The following SPG11 variants were observed in gnomAD, a reference collection of about 807,000 sequenced individuals.
SPG11 encodes the protein spatacsin.
Under a neutral mutation model 274.0 loss-of-function variants are expected in SPG11, and 222 were observed. That is an observed-to-expected ratio of 0.81 (90% CI 0.73 to 0.91). SPG11 has a LOEUF of 0.91. Among genes scored for constraint, SPG11 ranks in the 40% least tolerant of loss-of-function variants. The pLI, the probability that SPG11 is intolerant of heterozygous loss-of-function variation, is 0.00. For synonymous variants in SPG11, 1,144 were observed against 1,039.7 expected (o/e 1.10, Z -1.93); for missense variants, 3,114 against 2,872.7 (o/e 1.08, Z -1.92).
chr15:44,663,574 A>G lies in SPG11; in HGVS notation c.74T>C (p.Val25Ala). The G allele has an allele frequency of 6.3e-7, 1 of 1,596,074 alleles. No individual in the cohort carries two copies. The highest frequency in any genetic ancestry group is 1.1e-5 in the South Asian group (1 of 89,266). Residue 25 changes from valine (V) to alanine (A), a missense_variant, in exon 1 of 40, where the codon GTT becomes GCT. Transcript: ENST00000261866. ...GACTGGCACCAACAGCATCGGTAGA[A>G]CCCGCCCCATGGCCGCGGTGCCCCA... ...GSWGTAAMGR[V>A]LPMLLVPVPA...
chr15:44,606,221 C>G (rs2083314869), intron 19 of SPG11, 130 bp from the exon 20 acceptor site: 2 of 713,636 alleles, frequency 2.8e-6, no homozygotes, highest in Non-Finnish European at 4.9e-6. Context: ...TTATTCTGGA[C>G]ATAAATTCTT....
intron 31 of SPG11, chr15:44,573,952 T>C: frequency 1.6e-6 from 1 of 607,024 alleles, no homozygotes; most frequent in Non-Finnish European, 2.9e-6. Flanking sequence ...AAAGAAAGGC[T>C]TGTATTCAGA....
intron 25 of SPG11, 79 bp downstream of exon 25, chr15:44,596,004 G>C: frequency 6.4e-7 from 1 of 1,573,542 alleles, no homozygotes; most frequent in Non-Finnish European, 8.7e-7. Context: ...CCCCACTTCT[G>C]ATTATCAGCC....
rs312262734 is a variant in SPG11, at chr15:44,633,498, CACTT to C, written c.1735+3_1735+6del. 1.3e-6 allele frequency: 2 copies of C among 1,580,320 alleles called. No homozygotes were observed. The highest frequency in any genetic ancestry group is 1.7e-6 in the Non-Finnish European group (2 of 1,153,836). ...AATACAAATGTAGAAATCTTTATTC[CACTT>C]ACTTCTTAAATATAAATGGGATGAC... On this transcript the variant is annotated splice_donor_5th_base_variant and intron_variant, in intron 8 of 39. Transcript: ENST00000261866.
At chr15:44,643,585 G>C (rs899679501) in intron 7 of SPG11, among the ~76,000 whole-genome samples, 1 of 151,854 alleles carries the variant, frequency 6.6e-6, no homozygotes, top group Non-Finnish European at 1.5e-5. Context: ...TAAAAGTCTT[G>C]TAAGAATAAA....
intron 7 of SPG11, among the ~76,000 whole-genome samples, chr15:44,637,067 T>G (rs1160433523): frequency 6.6e-6 from 1 of 151,414 alleles, no homozygotes; most frequent in Non-Finnish European, 1.5e-5. Context: ...ATTTACAAAT[T>G]TTCAAAATCA....
chr15:44,563,983 A>G (rs530706044), intron 39 of SPG11, among the ~76,000 whole-genome samples: 1 of 152,050 alleles, frequency 6.6e-6, no homozygotes, highest in South Asian at 2.1e-4. Context: ...GGCACCTCTG[A>G]TGTTTTAGTG....
chr15:44,571,337 C>T (rs2082418766), intron 33 of SPG11, among the ~76,000 whole-genome samples: 1 of 152,190 alleles, frequency 6.6e-6, no homozygotes, highest in South Asian at 2.1e-4. Context: ...ATCATTCTGG[C>T]TCTTACTGTG....
At chr15:44,593,468 G>T (rs758049017) in intron 26 of SPG11, among the ~76,000 whole-genome samples, 4 of 152,224 alleles carry the variant, frequency 2.6e-5, no homozygotes, top group Non-Finnish European at 4.4e-5. Context: ...GGCATTACAA[G>T]TGTGCGCTAG....
chr15:44,635,563 G>A (rs577569163), intron 7 of SPG11, among the ~76,000 whole-genome samples: 4 of 132,644 alleles, frequency 3.0e-5, no homozygotes, highest in South Asian at 4.8e-4. Flanking sequence ...CTGTGATTGC[G>A]TCACTGTACT....
chr15:44,594,107 G>A (rs2082971498), intron 26 of SPG11, among the ~76,000 whole-genome samples: 1 of 151,056 alleles, frequency 6.6e-6, no homozygotes, highest in South Asian at 2.1e-4. Flanking sequence ...GGATTATTGT[G>A]AAAACTCACT....
At chr15:44,587,718 A>AAAAAAAAAAAAAAAAAAAAAAAC (rs1567141736) in intron 28 of SPG11, among the ~76,000 whole-genome samples, 5 of 148,638 alleles carry the variant, frequency 3.4e-5, no homozygotes, top group African/African-American at 1.0e-4. Flanking sequence ...AAAAAAAAAA[A>AAAAAAAAAAAAAAAAAAAAAAAC]AACGTATTCC....
Position 44,639,252 on chromosome 15 carries a change from AAC to A in SPG11, c.1603-5617_1603-5616del, listed in dbSNP as rs563798792. On this transcript the variant is annotated intron_variant, in intron 7 of 39. Transcript: ENST00000261866. ...CTTAACCTTACAAAGGGTATCTTAA[AAC>A]ACACACACACACACAAAGAGATACA... 6.0e-3 allele frequency among the ~76,000 whole-genome samples: 892 copies of A among 148,652 alleles called. 17 individuals carry two copies. Among genetic ancestry groups the A allele is most frequent in the African/African-American group, 0.021 (837 of 39,944 alleles).
Position 44,626,302 on chromosome 15 carries a change from T to C in SPG11, c.2244+29A>G, listed in dbSNP as rs780893551. ...TAACTAGAAATTATATTAAATACAT[T>C]TTAAGACTTTATGGATTACACCACT... On this transcript the variant is annotated intron_variant, in intron 11 of 39. Coordinates refer to ENST00000261866, the MANE Select transcript of SPG11 (RefSeq NM_025137.4). 1.4e-5 allele frequency: 22 copies of C among 1,573,806 alleles called. No individual in the cohort carries two copies. In the African/African-American group the frequency reaches 2.0e-4, roughly 15 times the overall value.
Position 44,608,531 on chromosome 15 carries a change from A to G in SPG11, c.3366T>C (p.Pro1122=), listed in dbSNP as rs774332666. 7 of 1,614,158 alleles carry G rather than the reference A, an allele frequency of 4.3e-6. No homozygotes were observed. Among genetic ancestry groups the G allele is most frequent in the Non-Finnish European group, 5.1e-6 (6 of 1,180,014 alleles). The change falls in exon 19 of 40, where the codon CCT becomes CCC. Residue 1122 remains proline, a synonymous_variant. Coordinates refer to ENST00000261866, the MANE Select transcript of SPG11 (RefSeq NM_025137.4). ...AGAGAGCAGTTTTTAGCTTGGGGTA[A>G]GGAGTTAATGCCATCTTCAATAGCT... ...DPQLLKMALT[P]YPKLKTALFP...
chr15:44,617,495 T>A (rs997806492), intron 15 of SPG11, among the ~76,000 whole-genome samples: 2 of 152,198 alleles, frequency 1.3e-5, no homozygotes, highest in African/African-American at 4.8e-5. Context: ...TCTCCACTCT[T>A]GTGCAGGACC....
chr15:44,589,136 G>A (rs963782608), intron 28 of SPG11, 116 bp downstream of exon 28: 8 of 1,054,344 alleles, frequency 7.6e-6, no homozygotes, highest in Non-Finnish European at 8.6e-6. Context: ...ACTCCCAGTT[G>A]TAGACTGTAA....
At chr15:44,637,706 ATT>A (rs2084319107) in intron 7 of SPG11, among the ~76,000 whole-genome samples, 2 of 152,234 alleles carry the variant, frequency 1.3e-5, no homozygotes. Flanking sequence ...AACAGGCTAC[ATT>A]TACAATGGTG....
At chr15:44,652,105 T>A (rs777108027) in intron 5 of SPG11, 24 bp downstream of exon 5, 1 of 1,613,696 alleles carries the variant, frequency 6.2e-7, no homozygotes, top group Non-Finnish European at 8.5e-7. Context: ...AACAATAAAC[T>A]ACATGAAAAG....
Sources: allele counts gnomAD v4.1 joint callset (sites outside exome capture counted in the v4.1 genomes callset), GRCh38; gene constraint gnomAD v4.1.1; transcripts MANE v1.5; gene names NCBI Gene and HGNC (gene_info 2026-07-23, HGNC 2026-07-21).